The following ARHGAP15 variants were observed in gnomAD, a reference collection of about 807,000 sequenced individuals.
ARHGAP15 encodes rho GTPase-activating protein 15.
In ARHGAP15, 51 loss-of-function variants were observed where a neutral mutation model predicts 63.7. The ratio of observed to expected loss-of-function variants is 0.80; its 90% confidence interval spans 0.64 to 1.01. The LOEUF is 1.01. Among genes scored for constraint, ARHGAP15 ranks in the 50% least tolerant of loss-of-function variants. The probability of loss-of-function intolerance (pLI) is 0.00; values close to 1 mark genes in which losing one functional copy is unlikely to be tolerated. For missense variants in ARHGAP15, 560 were observed against 564.6 expected, an observed-to-expected ratio of 0.99 and a Z score of 0.08; for synonymous variants, 191 against 193.8, an observed-to-expected ratio of 0.99 and a Z score of 0.12.
intron 3 of ARHGAP15, among the ~76,000 whole-genome samples, chr2:143,209,756 TG>T (rs1692496456): frequency 6.6e-6 from 1 of 152,068 alleles, no homozygotes; most frequent in African/African-American, 2.4e-5. Flanking sequence ...TCTGAAAAAC[TG>T]CAAAAATTCC....
intron 13 of ARHGAP15, among the ~76,000 whole-genome samples, chr2:143,737,860 G>T (rs969471156): frequency 2.0e-5 from 3 of 152,080 alleles, no homozygotes; most frequent in Admixed American, 1.3e-4. Flanking sequence ...GGGTTCAAGT[G>T]ATTCTCCTGC....
intron 12 of ARHGAP15, among the ~76,000 whole-genome samples, chr2:143,635,822 A>G (rs1574743862): frequency 6.6e-6 from 1 of 152,166 alleles, no homozygotes; most frequent in East Asian, 1.9e-4. Context: ...GTTTGGAAGG[A>G]TGACAGCAGA....
chr2:143,131,726 C>T (rs1301552674), intron 1 of ARHGAP15, among the ~76,000 whole-genome samples: 1 of 152,108 alleles, frequency 6.6e-6, no homozygotes, highest in Non-Finnish European at 1.5e-5. Context: ...GCCAGGCCTC[C>T]CTTTCTCCCC....
At chr2:143,743,214 C>T (rs1686028135) in intron 13 of ARHGAP15, among the ~76,000 whole-genome samples, 1 of 152,202 alleles carries the variant, frequency 6.6e-6, no homozygotes, top group African/African-American at 2.4e-5. Flanking sequence ...ACTGGGCAAC[C>T]TCCCTGAGCC....
At chr2:143,329,765 T>C (rs1213119741) in intron 6 of ARHGAP15, among the ~76,000 whole-genome samples, 4 of 152,038 alleles carry the variant, frequency 2.6e-5, no homozygotes, top group Non-Finnish European at 4.4e-5. Flanking sequence ...AATTTATACA[T>C]ATTTGCACAT....
chr2:143,288,636 G>A (rs960001450), intron 6 of ARHGAP15, among the ~76,000 whole-genome samples: 44 of 105,388 alleles, frequency 4.2e-4, no homozygotes, highest in African/African-American at 1.6e-3. Context: ...TTTTTTTTTT[G>A]TCTGCAGACA....
intron 6 of ARHGAP15, among the ~76,000 whole-genome samples, chr2:143,362,977 C>A (rs143850436): frequency 6.6e-6 from 1 of 152,264 alleles, no homozygotes; most frequent in East Asian, 1.9e-4. Flanking sequence ...TCAAGAGTTG[C>A]CAGAATGATC....
At chr2:143,375,445 C>T (rs1020991026) in intron 6 of ARHGAP15, among the ~76,000 whole-genome samples, 4 of 152,126 alleles carry the variant, frequency 2.6e-5, no homozygotes, top group African/African-American at 9.7e-5. Flanking sequence ...CCCAAGTACC[C>T]TGGGAATCAC....
chr2:143,381,849 T>C (rs541132548), intron 6 of ARHGAP15, among the ~76,000 whole-genome samples: 1 of 152,252 alleles, frequency 6.6e-6, no homozygotes, highest in South Asian at 2.1e-4. Flanking sequence ...ATGTTAGATT[T>C]TTTAAAAAAA....
rs933756163 is a variant in ARHGAP15 at position 143,217,574 on chromosome 2, A to T, written c.296+1129A>T. ...ATCAAATGCAAGGTTGCTTTAAGAG[A>T]TGTGGCTAGTCCCTTCCCCAGTGGT... is the stretch of plus-strand genomic sequence containing the variant. On this transcript the variant is annotated intron_variant, in intron 4 of 13. Coordinates refer to ENST00000295095, the MANE Select transcript of ARHGAP15 (RefSeq NM_018460.4). Among the ~76,000 whole-genome samples, 12 of 152,136 alleles carry T rather than the reference A, an allele frequency of 7.9e-5. 1 individual carries two copies. The highest frequency in any genetic ancestry group is 1.3e-4 in the Non-Finnish European group (9 of 68,020).
At chr2:143,252,421 T>C (rs1680200891) in intron 6 of ARHGAP15, among the ~76,000 whole-genome samples, 1 of 152,086 alleles carries the variant, frequency 6.6e-6, no homozygotes, top group Non-Finnish European at 1.5e-5. Context: ...TCCAAAGATA[T>C]TAAAAACTAT....
intron 6 of ARHGAP15, among the ~76,000 whole-genome samples, chr2:143,257,564 T>G (rs933609463): frequency 7.2e-5 from 11 of 152,146 alleles, no homozygotes; most frequent in African/African-American, 2.7e-4. Context: ...CCAGGCTAAA[T>G]GCACCATGCT....
intron 6 of ARHGAP15, among the ~76,000 whole-genome samples, chr2:143,390,450 A>T (rs749184170): frequency 9.2e-5 from 14 of 152,150 alleles, no homozygotes; most frequent in Admixed American, 4.6e-4. Context: ...GGCCTGCTTC[A>T]TTGGCCCAGT....
chr2:143,460,625 A>G (rs2105157735), intron 8 of ARHGAP15, among the ~76,000 whole-genome samples: 1 of 152,272 alleles, frequency 6.6e-6, no homozygotes, highest in Admixed American at 6.5e-5. Flanking sequence ...TAGGGTTATC[A>G]TTCTTTTTAA....
At chr2:143,381,027 T>C (rs1301343580) in intron 6 of ARHGAP15, among the ~76,000 whole-genome samples, 1 of 152,192 alleles carries the variant, frequency 6.6e-6, no homozygotes, top group East Asian at 1.9e-4. Flanking sequence ...TGGTATAATG[T>C]GGCATCCTGG....
chr2:143,404,960 G>C (rs1464722733), intron 6 of ARHGAP15, among the ~76,000 whole-genome samples: 1 of 151,972 alleles, frequency 6.6e-6, no homozygotes, highest in Non-Finnish European at 1.5e-5. Flanking sequence ...CTCAAAGCCT[G>C]CCTGAGATGA....
chr2:143,505,600 G>T (rs529085775), intron 9 of ARHGAP15, among the ~76,000 whole-genome samples: 1 of 152,154 alleles, frequency 6.6e-6, no homozygotes, highest in Non-Finnish European at 1.5e-5. Context: ...ATTTCTTTGC[G>T]TGGAATAACT....
chr2:143,311,014 T>C (rs2105188486), intron 6 of ARHGAP15, among the ~76,000 whole-genome samples: 1 of 152,156 alleles, frequency 6.6e-6, no homozygotes, highest in African/African-American at 2.4e-5. Context: ...GAAAAACATA[T>C]CTCTGGCTAT....
chr2:143,612,264 A>G (rs745906463), intron 11 of ARHGAP15, among the ~76,000 whole-genome samples: 34 of 152,142 alleles, frequency 2.2e-4, no homozygotes, highest in Non-Finnish European at 7.4e-5. Flanking sequence ...TCTTTGCTAG[A>G]ACAGTGGTCC....
Sources: allele counts gnomAD v4.1 joint callset (sites outside exome capture counted in the v4.1 genomes callset), GRCh38; gene constraint gnomAD v4.1.1; transcripts MANE v1.5; gene names NCBI Gene and HGNC (gene_info 2026-07-23, HGNC 2026-07-21).